MAGED1: variants seen among roughly 807,000 people sequenced by gnomAD.
The protein encoded by MAGED1 is MAGE family member D1.
In MAGED1, 3 loss-of-function variants were observed where a neutral mutation model predicts 54.1. That is an observed-to-expected ratio of 0.06 (90% CI 0.03 to 0.14). The LOEUF is 0.14. MAGED1 is among the 10% of genes least tolerant of loss of function. MAGED1 has a pLI of 1.00. For synonymous variants in MAGED1, 217 were observed against 227.3 expected, an observed-to-expected ratio of 0.95 and a Z score of 0.41; for missense variants, 485 against 623.4, an observed-to-expected ratio of 0.78 and a Z score of 2.36.
At chrX:51,898,389 C>T (rs1353939649) in intron 9 of MAGED1, 62 bp downstream of exon 9, 14 of 1,158,434 alleles carry the variant, frequency 1.2e-5, no homozygotes, top group Non-Finnish European at 1.4e-5. Context: ...AGTGGATGGT[C>T]CCAGGATTGC....
chrX:51,898,362 T>C lies in MAGED1; in HGVS notation c.1781+35T>C, dbSNP rs782737105. The stretch of plus-strand genomic sequence containing the variant: ...GGCTCTCTCATCTCTTGCCTGTTTG[T>C]GCCATCCTTTGGCAACAGTGGATGG... On this transcript the variant is annotated intron_variant, in intron 9 of 12. Transcript: ENST00000326587. 1.1e-5 allele frequency: 13 copies of C among 1,200,838 alleles called. No individual in the cohort carries two copies. In the South Asian group the frequency reaches 2.3e-4, roughly 21 times the overall value.
intron 7 of MAGED1, 58 bp from the exon 8 acceptor site, chrX:51,898,056 G>A: frequency 1.1e-5 from 12 of 1,075,406 alleles, no homozygotes; most frequent in Non-Finnish European, 1.5e-5. Context: ...TGGGCAAGCT[G>A]GTTGGGGTCT....
intron 3 of MAGED1, 197 bp from the exon 4 acceptor site, chrX:51,896,212 T>G: frequency 2.3e-6 from 1 of 440,252 alleles, no homozygotes; most frequent in Non-Finnish European, 3.9e-6. Flanking sequence ...GGCCCCATCT[T>G]TGGGTTGCTC....
intron 1 of MAGED1, among the ~76,000 whole-genome samples, chrX:51,879,319 T>A (rs1265715993): frequency 8.9e-6 from 1 of 111,774 alleles, no homozygotes; most frequent in East Asian, 2.8e-4. Flanking sequence ...CTTCTAATAT[T>A]TCTTGCAGGG....
chrX:51,861,411 C>G (rs1557360658), intron 1 of MAGED1, among the ~76,000 whole-genome samples: 1 of 111,578 alleles, frequency 9.0e-6, no homozygotes, highest in East Asian at 2.8e-4. Flanking sequence ...TGGTTTTTAT[C>G]TAAATACCAT....
At chrX:51,894,431 C>G in intron 2 of MAGED1, 82 bp downstream of exon 2, 1 of 987,547 alleles carries the variant, frequency 1.0e-6, no homozygotes, top group Non-Finnish European at 1.4e-6. Context: ...TCCCAAACGC[C>G]GGGATCCGGT....
At chrX:51,822,413 T>C (rs1270565181) in intron 1 of MAGED1, among the ~76,000 whole-genome samples, 2 of 111,411 alleles carry the variant, frequency 1.8e-5, no homozygotes, top group African/African-American at 6.5e-5. Flanking sequence ...GAGTCTTCTA[T>C]CCTTTTTCTT....
chrX:51,806,902 C>A (rs922467785), intron 1 of MAGED1, among the ~76,000 whole-genome samples: 4 of 110,369 alleles, frequency 3.6e-5, no homozygotes, highest in Admixed American at 2.9e-4. Context: ...ATTCTTCTGC[C>A]TCAGCCTCCC....
intron 1 of MAGED1, among the ~76,000 whole-genome samples, chrX:51,883,014 C>T (rs370046227): frequency 4.5e-5 from 5 of 111,398 alleles, no homozygotes; most frequent in South Asian, 3.8e-4. Context: ...AAACAATGAC[C>T]GCTCTATTGT....
chrX:51,828,909 C>A (rs1169506842), intron 1 of MAGED1, among the ~76,000 whole-genome samples: 1 of 110,571 alleles, frequency 9.0e-6, no homozygotes, highest in African/African-American at 3.3e-5. Flanking sequence ...AAAAAAAACT[C>A]TTCTAAATAT....
intron 1 of MAGED1, among the ~76,000 whole-genome samples, chrX:51,803,958 G>A (rs1924947324): frequency 9.0e-6 from 1 of 110,708 alleles, no homozygotes; most frequent in South Asian, 3.8e-4. Context: ...GACAGGAATG[G>A]CATCCAGTCA....
chrX:51,896,280 A>T (rs1557364218), intron 3 of MAGED1, 129 bp from the exon 4 acceptor site: 1 of 573,492 alleles, frequency 1.7e-6, no homozygotes, highest in African/African-American at 2.3e-5. Flanking sequence ...CAAACCCAGG[A>T]CTCAGGGTGA....
chrX:51,847,079 C>T (rs963505035), intron 1 of MAGED1, among the ~76,000 whole-genome samples: 46 of 112,442 alleles, frequency 4.1e-4, no homozygotes, highest in African/African-American at 1.5e-3. Flanking sequence ...TTATCAAATA[C>T]ATCAAACCTA....
chrX:51,806,190 T>C (rs782572196), intron 1 of MAGED1, among the ~76,000 whole-genome samples: 1 of 109,656 alleles, frequency 9.1e-6, no homozygotes, highest in Admixed American at 9.7e-5. Flanking sequence ...GCCAAGCTGG[T>C]CTCGAACTCC....
chrX:51,849,726 AT>A (rs1160618707), intron 1 of MAGED1, among the ~76,000 whole-genome samples: 1 of 111,019 alleles, frequency 9.0e-6, no homozygotes, highest in Admixed American at 9.6e-5. Context: ...AAGTCCAATT[AT>A]TTGTTTATAT....
chrX:51,863,295 A>G (rs189521364), intron 1 of MAGED1, among the ~76,000 whole-genome samples: 45 of 112,406 alleles, frequency 4.0e-4, no homozygotes, highest in African/African-American at 1.4e-3. Context: ...AAATGGCAGG[A>G]TTTCCTTTAT....
intron 1 of MAGED1, among the ~76,000 whole-genome samples, chrX:51,804,007 A>G (rs896288551): frequency 9.0e-6 from 1 of 111,412 alleles, no homozygotes. Flanking sequence ...TTATTATGCA[A>G]TTTCTTTTCT....
At chrX:51,820,870 G>A (rs1171918532) in intron 1 of MAGED1, among the ~76,000 whole-genome samples, 1 of 111,329 alleles carries the variant, frequency 9.0e-6, no homozygotes, top group Non-Finnish European at 1.9e-5. Flanking sequence ...CTATTTAACT[G>A]TAATTTTGTA....
chrX:51,901,122 A>G lies in MAGED1; in HGVS notation c.1960-431A>G, dbSNP rs782216908. Among the ~76,000 whole-genome samples the G allele has an allele frequency of 2.7e-5, 3 of 112,005 alleles. No homozygotes were observed. The South Asian group carries it at 1.1e-3, about 42-fold the overall frequency. ...GTACTCTTTTAGCAATTTTAAATAA[A>G]CGACACATTATTATTAACTATAGTC... On this transcript the variant is annotated intron_variant, in intron 11 of 12. Transcript: ENST00000326587.
Sources: allele counts gnomAD v4.1 joint callset (sites outside exome capture counted in the v4.1 genomes callset), GRCh38; gene constraint gnomAD v4.1.1; transcripts MANE v1.5; gene names NCBI Gene and HGNC (gene_info 2026-07-23, HGNC 2026-07-21).